The following SCLT1 variants were observed in gnomAD, a reference collection of about 807,000 sequenced individuals.
The protein encoded by SCLT1 is sodium channel-associated protein 1.
A neutral mutation model predicts 112.8 loss-of-function variants in SCLT1; 78 were observed. That is an observed-to-expected ratio of 0.69 (90% CI 0.58 to 0.83). The LOEUF (loss-of-function observed/expected upper bound fraction) is 0.83, where lower values mean the gene tolerates loss of function less well. Ranked by LOEUF, SCLT1 falls within the 40% of genes least tolerant of loss-of-function variation. The pLI, the probability that SCLT1 is intolerant of heterozygous loss-of-function variation, is 0.00. For missense variants in SCLT1, 747 were observed against 770.4 expected (o/e 0.97, Z 0.36); for synonymous variants, 257 against 254.7 (o/e 1.01, Z -0.09).
At chr4:129,079,105 A>C (rs1751710896) in intron 2 of SCLT1, among the ~76,000 whole-genome samples, 1 of 152,130 alleles carries the variant, frequency 6.6e-6, no homozygotes, top group Non-Finnish European at 1.5e-5. Flanking sequence ...CTCCTCCAAC[A>C]CTGGTGATTA....
chr4:129,029,148 A>G (rs557289926), intron 5 of SCLT1, among the ~76,000 whole-genome samples: 5 of 152,206 alleles, frequency 3.3e-5, no homozygotes, highest in Non-Finnish European at 7.3e-5. Context: ...AACTAGAAAT[A>G]CCATTTGACC....
At position 129,029,071 on chromosome 4, in the gene SCLT1, T is replaced by G. The variant is rs140690541; in HGVS notation, c.290+9970A>C. 8.0e-3 allele frequency among the ~76,000 whole-genome samples: 1,212 copies of G among 152,296 alleles called. 15 individuals are homozygous for G. The highest frequency in any genetic ancestry group is 0.028 in the African/African-American group (1,161 of 41,562). ...CGGAGAAATAGGAACACTTTTACAC[T>G]GTTGGTGGGACTGTAAAGTAGTTCA... On this transcript the variant is annotated intron_variant, in intron 5 of 20. Coordinates refer to ENST00000281142, the MANE Select transcript of SCLT1 (RefSeq NM_144643.4).
At position 128,913,378 on chromosome 4, in the gene SCLT1, C is replaced by T. The variant is rs1031134946; in HGVS notation, c.1830-22241G>A. ...GTTCTCTTCTGATTGCTTCTCTTTTCTCAGTGAAACAGGAATTGAAGTTAT... is the reference window on the plus strand; with the variant it reads ...GTTCTCTTCTGATTGCTTCTCTTTTTTCAGTGAAACAGGAATTGAAGTTAT... On this transcript the variant is annotated intron_variant, in intron 18 of 20. Transcript: ENST00000281142. 3.9e-5 allele frequency among the ~76,000 whole-genome samples: 6 copies of T among 152,122 alleles called. No individual in the cohort carries two copies. The South Asian group carries it at 8.3e-4, about 21-fold the overall frequency.
chr4:128,967,695 G>A (rs1442449987), intron 10 of SCLT1, among the ~76,000 whole-genome samples: 1 of 150,808 alleles, frequency 6.6e-6, no homozygotes, highest in Non-Finnish European at 1.5e-5. Flanking sequence ...ACTTTTTAAT[G>A]TTTTTTTTTC....
chr4:129,019,161 G>C (rs1266338578), intron 5 of SCLT1, among the ~76,000 whole-genome samples: 3 of 152,066 alleles, frequency 2.0e-5, no homozygotes, highest in African/African-American at 7.2e-5. Context: ...TTAAAAAACT[G>C]AGTTCCATAT....
chr4:128,962,188 A>G (rs977484812), intron 11 of SCLT1, among the ~76,000 whole-genome samples: 3 of 152,218 alleles, frequency 2.0e-5, no homozygotes, highest in Admixed American at 2.0e-4. Context: ...TAAACAGTTC[A>G]TGCTATAAAG....
intron 17 of SCLT1, among the ~76,000 whole-genome samples, chr4:128,940,406 T>A (rs1287077869): frequency 6.6e-6 from 1 of 151,888 alleles, no homozygotes; most frequent in Non-Finnish European, 1.5e-5. Context: ...ACTCAGATAA[T>A]CCCTTCTAAC....
At chr4:129,078,354 T>C (rs1751639891) in intron 2 of SCLT1, among the ~76,000 whole-genome samples, 1 of 152,192 alleles carries the variant, frequency 6.6e-6, no homozygotes, top group South Asian at 2.1e-4. Flanking sequence ...ATATGATGCA[T>C]TACCGTGGCC....
chr4:128,929,289 C>T (rs6850838), intron 18 of SCLT1, among the ~76,000 whole-genome samples: 110,309 of 152,052 alleles, frequency 0.73, 40,305 homozygotes, highest in African/African-American at 0.81. Context: ...ATGAACTTTA[C>T]TGAGACATTA....
intron 18 of SCLT1, among the ~76,000 whole-genome samples, chr4:128,916,745 A>G (rs528632887): frequency 5.9e-5 from 9 of 152,200 alleles, no homozygotes; most frequent in Non-Finnish European, 1.3e-4. Flanking sequence ...CCATTAGAGC[A>G]ATGTGTCCTT....
At chr4:128,912,392 C>T (rs541285758) in intron 18 of SCLT1, among the ~76,000 whole-genome samples, 20 of 152,002 alleles carry the variant, frequency 1.3e-4, no homozygotes, top group Non-Finnish European at 2.6e-4. Context: ...ACCTTTGTAA[C>T]GTATTTTTTC....
chr4:128,879,571 A>C (rs1408976350), downstream of SCLT1, among the ~76,000 whole-genome samples: 1 of 152,310 alleles, frequency 6.6e-6, no homozygotes, highest in Non-Finnish European at 1.5e-5. Flanking sequence ...AACTTTTACT[A>C]TACCTCATAT....
At chr4:128,878,431 T>C (rs1246528153) in intron 3 of SCLT1, among the ~76,000 whole-genome samples, 3 of 152,200 alleles carry the variant, frequency 2.0e-5, no homozygotes, top group Non-Finnish European at 4.4e-5. Context: ...TCTTTTTCTT[T>C]GGTGTTTCCC....
chr4:128,878,934 C>T (rs2125915301), intron 3 of SCLT1, among the ~76,000 whole-genome samples: 1 of 147,276 alleles, frequency 6.8e-6, no homozygotes, highest in South Asian at 2.2e-4. Flanking sequence ...ACCAAAAGAG[C>T]TTTTCGGGTA....
intron 5 of SCLT1, among the ~76,000 whole-genome samples, chr4:129,017,684 T>C (rs1369482774): frequency 6.6e-6 from 1 of 152,178 alleles, no homozygotes; most frequent in Non-Finnish European, 1.5e-5. Flanking sequence ...AGTCAAAATG[T>C]AAGAGCCAAA....
intron 8 of SCLT1, among the ~76,000 whole-genome samples, chr4:128,995,490 T>C (rs1197172016): frequency 2.0e-5 from 3 of 152,160 alleles, no homozygotes; most frequent in Admixed American, 6.5e-5. Flanking sequence ...CATCTTTAGC[T>C]GGTTCTTCAT....
At chr4:128,892,642 A>T (rs1020066163) in intron 18 of SCLT1, among the ~76,000 whole-genome samples, 1 of 152,236 alleles carries the variant, frequency 6.6e-6, no homozygotes, top group African/African-American at 2.4e-5. Flanking sequence ...ACAGAAAGCA[A>T]TGTCATCCAC....
At chr4:128,997,225 G>C (rs572169556) in intron 8 of SCLT1, 1 of 151,942 alleles carries the variant, frequency 6.6e-6, no homozygotes, top group East Asian at 1.9e-4. Context: ...CAAATCCATT[G>C]TTATACAAAG....
intron 20 of SCLT1, among the ~76,000 whole-genome samples, chr4:128,887,585 A>G (rs1297038505): frequency 5.9e-5 from 9 of 152,112 alleles, no homozygotes; most frequent in Non-Finnish European, 1.0e-4. Flanking sequence ...CGCCTCCCCT[A>G]TCTATCTATC....
Sources: gnomAD v4.1 joint callset for allele counts (sites outside exome capture counted in the v4.1 genomes callset) on GRCh38, gnomAD v4.1.1 for gene constraint, MANE v1.5 for transcripts, NCBI Gene and HGNC (gene_info 2026-07-23, HGNC 2026-07-21) for gene names.